Variants in KRT222 observed in about 807,000 individuals in gnomAD.
The protein encoded by KRT222 is keratin-like protein KRT222.
In KRT222, 23 loss-of-function variants were observed where a neutral mutation model predicts 35.0. The observed-to-expected ratio is 0.66, with a 90% CI of 0.47 to 0.93. The LOEUF (loss-of-function observed/expected upper bound fraction) is 0.93. Ranked by LOEUF, KRT222 falls within the 40% of genes least tolerant of loss-of-function variation. KRT222 has a pLI of 0.00. For missense variants in KRT222, 339 were observed against 346.3 expected (o/e 0.98, Z 0.17); for synonymous variants, 108 against 118.8 (o/e 0.91, Z 0.59).
intron 2 of KRT222, among the ~76,000 whole-genome samples, chr17:40,660,568 C>T (rs1055082615): frequency 5.3e-5 from 8 of 152,048 alleles, no homozygotes; most frequent in East Asian, 1.9e-4. Flanking sequence ...CTTGAGCCAC[C>T]GCGCCTGGCT....
At chr17:40,657,230 AC>A in intron 5 of KRT222, 121 bp downstream of exon 5, 1 of 706,318 alleles carries the variant, frequency 1.4e-6, no homozygotes, top group Non-Finnish European at 2.0e-6. Context: ...AAAAAAAATC[AC>A]AGTATACTAA....
rs1036301282 is a variant in KRT222 at position 40,655,050 on chromosome 17, TTA to T, written c.*1350_*1351del. The T allele has an allele frequency of 7.5e-5, 11 of 146,392 alleles. No homozygotes were observed. The highest frequency in any genetic ancestry group is 2.5e-4 in the African/African-American group (10 of 40,334). The allele number at this position is 146,392 out of a possible 1,614,324, so 9.1% of individuals were successfully genotyped here. On this transcript the variant is annotated 3_prime_UTR_variant, in exon 6 of 6. Transcript: ENST00000394052. ...AAATATATATATACATATATATAAA[TTA>T]TATATATGTATATATATAATAAGTA...
chr17:40,661,821 C>T, intron 2 of KRT222, 95 bp downstream of exon 2: 1 of 1,445,098 alleles, frequency 6.9e-7, no homozygotes. Context: ...TTTCCAGTTT[C>T]TCATGGTAAA....
In KRT222 at chr17:40,661,949, G is replaced by T. The variant is rs774545931; in HGVS notation, c.192C>A (p.His64Gln). The T allele has an allele frequency of 6.2e-6, 10 of 1,614,010 alleles. No homozygotes were observed. The highest frequency in any genetic ancestry group is 8.5e-6 in the Non-Finnish European group (10 of 1,180,016). ...GGAGAGATTCAATTTCCACTTGCAG[G>T]TGGTGCCACTGGCGTCGGGCCTCCT... The part of the protein sequence containing the change: ...ELKEARRQWH[H>Q]LQVEIESLHA... The change falls in exon 2 of 6, where the codon CAC becomes CAA. Residue 64 changes from histidine to glutamine, a missense_variant. His to Gln is a conservative substitution (Grantham distance 24). Coordinates refer to ENST00000394052, the MANE Select transcript of KRT222 (RefSeq NM_152349.3).
At chr17:40,656,927 G>T (rs942298542) in intron 5 of KRT222, among the ~76,000 whole-genome samples, 2 of 152,038 alleles carry the variant, frequency 1.3e-5, no homozygotes, top group African/African-American at 4.8e-5. Context: ...TCACAGTATA[G>T]GCTGGGTGTG....
chr17:40,660,284 CTTTTT>C, intron 2 of KRT222, 77 bp from the exon 3 acceptor site: 3 of 952,996 alleles, frequency 3.1e-6, no homozygotes, highest in South Asian at 1.6e-5. Flanking sequence ...ATATCTTCAT[CTTTTT>C]TTTTTTTTTG....
Position 40,655,071 on chromosome 17 carries a change from A to G in KRT222, c.*1331T>C, listed in dbSNP as rs961686931. On this transcript the variant is annotated 3_prime_UTR_variant, in exon 6 of 6. Transcript: ENST00000394052. ...TAAATTATATATATGTATATATATAATAAGTATATATGGAGAGAGAGATAG... is the reference window on the plus strand; with the variant it reads ...TAAATTATATATATGTATATATATAGTAAGTATATATGGAGAGAGAGATAG... The G allele has an allele frequency of 5.4e-5, 8 of 147,168 alleles. No individual in the cohort carries two copies. The South Asian group carries it at 6.4e-4, about 12-fold the overall frequency. The allele number at this position is 147,168 out of a possible 1,614,324, so 9.1% of individuals were successfully genotyped here. A position where few individuals can be genotyped will look rare whatever the true frequency, so the allele number is the denominator to read the frequency against.
In KRT222 at chr17:40,661,976, G is replaced by A; in HGVS notation, c.165C>T (p.Leu55=). 3 of 1,614,130 alleles carry A rather than the reference G, an allele frequency of 1.9e-6. No individual in the cohort carries two copies. The highest frequency in any genetic ancestry group is 4.5e-5 in the East Asian group (2 of 44,890). The change falls in exon 2 of 6, where the codon CTC becomes CTT. Residue 55 remains leucine (L), a synonymous_variant. Coordinates refer to ENST00000394052, the MANE Select transcript of KRT222 (RefSeq NM_152349.3). The stretch of plus-strand genomic sequence containing the variant: ...GGTGCCACTGGCGTCGGGCCTCCTT[G>A]AGTTCTGCTTGAGCTGCCTTCAAAG... ...EEALKAAQAE[L]KEARRQWHHL...
chr17:40,662,563 A>G (rs2037390353), intron 1 of KRT222, among the ~76,000 whole-genome samples: 1 of 152,254 alleles, frequency 6.6e-6, no homozygotes, highest in African/African-American at 2.4e-5. Context: ...AAGTTGTTAT[A>G]GGCAATAAGG....
At chr17:40,660,487 G>A (rs1341598305) in intron 2 of KRT222, among the ~76,000 whole-genome samples, 1 of 151,780 alleles carries the variant, frequency 6.6e-6, no homozygotes, top group Non-Finnish European at 1.5e-5. Context: ...CATCATGTTG[G>A]CCAGGCTGGT....
intron 1 of KRT222, 85 bp from the exon 2 acceptor site, chr17:40,662,129 A>G (rs1275175438): frequency 6.5e-7 from 1 of 1,531,046 alleles, no homozygotes; most frequent in African/African-American, 1.4e-5. Context: ...AATTATAGAA[A>G]AATTGTATAG....
rs978736351 is a variant in KRT222, at chr17:40,654,802, G to C, written c.*1600C>G. 6.6e-6 allele frequency: 1 copy of C among 151,786 alleles called. No homozygotes were observed. The highest frequency in any genetic ancestry group is 2.1e-4 in the South Asian group (1 of 4,816). The allele number at this position is 151,786 out of a possible 1,614,324, so 9.4% of individuals were successfully genotyped here. A position where few individuals can be genotyped will look rare whatever the true frequency, so the allele number is the denominator to read the frequency against. ...CAATATCAAATGAAACATTTTTTAT[G>C]TATAGGATGTATTTTAGGTCAGATG... On this transcript the variant is annotated 3_prime_UTR_variant, in exon 6 of 6. Coordinates refer to ENST00000394052, the MANE Select transcript of KRT222 (RefSeq NM_152349.3).
Position 40,656,350 on chromosome 17 carries a change from C to T in KRT222, c.*52G>A. The T allele has an allele frequency of 7.3e-7, 1 of 1,372,612 alleles. No individual in the cohort carries two copies. Among genetic ancestry groups the T allele is most frequent in the East Asian group, 2.3e-5 (1 of 43,540 alleles). The allele number at this position is 1,372,612 out of a possible 1,614,324, so 85.0% of individuals were successfully genotyped here. A position where few individuals can be genotyped will look rare whatever the true frequency, so the allele number is the denominator to read the frequency against. On this transcript the variant is annotated 3_prime_UTR_variant, in exon 6 of 6. Transcript: ENST00000394052. ...TTGGGACAGAGGGAGTTGGTATGGC[C>T]CACCTTGGTCCATCCTAACATTTTC...
Position 40,661,297 on chromosome 17 carries a change from C to T in KRT222, c.225+619G>A, listed in dbSNP as rs185686481. Among the ~76,000 whole-genome samples the T allele has an allele frequency of 7.9e-4, 119 of 151,324 alleles. 2 individuals carry two copies. The East Asian group carries it at 0.012, about 16-fold the overall frequency. ...CTTTTCTTTTCTGGAGACAGAGTCT[C>T]GCTCTGTCACCCAGGCTGGAGTGCA... On this transcript the variant is annotated intron_variant, in intron 2 of 5. Transcript: ENST00000394052.
chr17:40,662,891 T>A (rs1208783833), intron 1 of KRT222, among the ~76,000 whole-genome samples: 1 of 152,082 alleles, frequency 6.6e-6, no homozygotes, highest in African/African-American at 2.4e-5. Flanking sequence ...TTATAACTTT[T>A]AATTTTCTTA....
rs751447277 is a variant in KRT222, at chr17:40,657,756, A to G, written c.447-6T>C. On this transcript the variant is annotated splice_region_variant and splice_polypyrimidine_tract_variant and intron_variant, in intron 3 of 5. Coordinates refer to ENST00000394052, the MANE Select transcript of KRT222 (RefSeq NM_152349.3). ...CTTGGATACAACCATAATATCTGAAATCAGAAAGAATTTTATTTTAAGAGC... is the reference window on the plus strand; with the variant it reads ...CTTGGATACAACCATAATATCTGAAGTCAGAAAGAATTTTATTTTAAGAGC... 1 of 1,593,750 alleles carries G rather than the reference A, an allele frequency of 6.3e-7. No homozygotes were observed. The highest frequency in any genetic ancestry group is 1.1e-5 in the South Asian group (1 of 90,088).
intron 5 of KRT222, among the ~76,000 whole-genome samples, chr17:40,656,989 A>T (rs1363069069): frequency 6.6e-6 from 1 of 152,036 alleles, no homozygotes; most frequent in Non-Finnish European, 1.5e-5. Context: ...TGGGCAGATC[A>T]TGAGGTCAGG....
chr17:40,663,876 T>C (rs1397254967), intron 1 of KRT222, among the ~76,000 whole-genome samples: 4 of 152,228 alleles, frequency 2.6e-5, no homozygotes, highest in African/African-American at 9.6e-5. Context: ...GTTTATGATT[T>C]TTAGAAGTTG....
At chr17:40,664,879 T>G in intron 1 of KRT222, 125 bp downstream of exon 1, 1 of 1,520,166 alleles carries the variant, frequency 6.6e-7, no homozygotes, top group Non-Finnish European at 8.8e-7. Flanking sequence ...AGAAGCTAAA[T>G]TCCTTCCCCA....
Sources: allele counts gnomAD v4.1 joint callset (sites outside exome capture counted in the v4.1 genomes callset), GRCh38; gene constraint gnomAD v4.1.1; transcripts MANE v1.5; gene names NCBI Gene and HGNC (gene_info 2026-07-23, HGNC 2026-07-21).